STK24: variants seen among roughly 807,000 people sequenced by gnomAD.
STK24 encodes the protein serine/threonine kinase 24, also known as serine/threonine-protein kinase 24.
A neutral mutation model predicts 55.6 loss-of-function variants in STK24; 21 were observed. The observed-to-expected ratio is 0.38, with a 90% confidence interval of 0.27 to 0.54. The LOEUF (loss-of-function observed/expected upper bound fraction) is 0.54, where lower values mean the gene tolerates loss of function less well. STK24 is among the 20% of genes least tolerant of loss of function. The probability of loss-of-function intolerance (pLI) is 0.79; values close to 1 mark genes in which losing one functional copy is unlikely to be tolerated. For missense variants in STK24, 383 were observed against 538.4 expected (o/e 0.71, Z 2.86); for synonymous variants, 200 against 215.2 (o/e 0.93, Z 0.62).
At chr13:98,478,443 C>T (rs1007905847) in intron 3 of STK24, among the ~76,000 whole-genome samples, 10 of 152,216 alleles carry the variant, frequency 6.6e-5, no homozygotes, top group Admixed American at 2.0e-4. Context: ...CATGCCCCTG[C>T]TTGGTCTTGG....
intron 2 of STK24, among the ~76,000 whole-genome samples, chr13:98,495,339 G>A (rs1895210059): frequency 6.6e-6 from 1 of 152,012 alleles, no homozygotes; most frequent in Non-Finnish European, 1.5e-5. Context: ...AATTTACTCA[G>A]GAATATAGAA....
chr13:98,511,433 C>G (rs1329221578), intron 2 of STK24, among the ~76,000 whole-genome samples: 1 of 152,172 alleles, frequency 6.6e-6, no homozygotes, highest in Non-Finnish European at 1.5e-5. Context: ...AAATTAAATA[C>G]CTATCCTACT....
At chr13:98,559,908 C>T (rs562477694) in intron 1 of STK24, among the ~76,000 whole-genome samples, 1 of 151,396 alleles carries the variant, frequency 6.6e-6, no homozygotes, top group East Asian at 1.9e-4. Context: ...TGCAGCCACT[C>T]GAGGCTGAGG....
intron 1 of STK24, among the ~76,000 whole-genome samples, chr13:98,552,978 T>G (rs960109723): frequency 9.9e-5 from 15 of 151,716 alleles, no homozygotes; most frequent in African/African-American, 3.6e-4. Context: ...GATGACAACA[T>G]GTCAACGCAG....
chr13:98,499,210 C>T (rs1895354823), intron 2 of STK24, among the ~76,000 whole-genome samples: 1 of 151,766 alleles, frequency 6.6e-6, no homozygotes, highest in Admixed American at 6.6e-5. Context: ...TGCACTCCAA[C>T]CTGGGCAACA....
chr13:98,461,688 G>A lies in STK24; in HGVS notation c.1053+86C>T, dbSNP rs186045863. ...ACAGCTGCCACAAAGGACCCCAGCC[G>A]CACCCACAGCAAGCTTCACACACAA... On this transcript the variant is annotated intron_variant, in intron 8 of 10. Coordinates refer to ENST00000539966, the MANE Select transcript of STK24 (RefSeq NM_001032296.4). 1.6e-4 allele frequency: 257 copies of A among 1,564,236 alleles called. 2 individuals carry two copies. In the East Asian group the frequency reaches 4.6e-3, roughly 28 times the overall value.
chr13:98,467,198 C>T (rs146248187), intron 5 of STK24, among the ~76,000 whole-genome samples: 22 of 152,314 alleles, frequency 1.4e-4, no homozygotes, highest in Admixed American at 7.8e-4. Context: ...AATGCATCCT[C>T]ATCTACCTAT....
In STK24 at chr13:98,460,389, A is replaced by T; in HGVS notation, c.1105T>A (p.Ser369Thr). 1 of 1,613,360 alleles carries T rather than the reference A, an allele frequency of 6.2e-7. No individual in the cohort carries two copies. Among genetic ancestry groups the T allele is most frequent in the Non-Finnish European group, 8.5e-7 (1 of 1,179,550 alleles). ...PFSQCLSTIISPLFAELKEKS... is the reference protein window; with the variant it reads ...PFSQCLSTIITPLFAELKEKS... The stretch of plus-strand genomic sequence containing the variant: ...GTACCTACCTCTGCAAACAGAGGAG[A>T]AATAATTGTAGATAAACACTGAGAG... Residue 369 changes from serine to threonine, a missense_variant, in exon 9 of 11, where the codon TCT becomes ACT. Physicochemically the swap from Ser to Thr is moderately conservative, Grantham distance 58 (BLOSUM62 1). Coordinates refer to ENST00000539966, the MANE Select transcript of STK24 (RefSeq NM_001032296.4).
At chr13:98,571,908 G>A (rs948377951) in intron 1 of STK24, among the ~76,000 whole-genome samples, 4 of 152,138 alleles carry the variant, frequency 2.6e-5, no homozygotes, top group African/African-American at 9.7e-5. Context: ...TTCTAAAGGG[G>A]CACCCAGCAC....
At chr13:98,541,484 G>A (rs1896888760) in intron 1 of STK24, among the ~76,000 whole-genome samples, 1 of 152,246 alleles carries the variant, frequency 6.6e-6, no homozygotes, top group Non-Finnish European at 1.5e-5. Flanking sequence ...TTGAGGTTGT[G>A]AGCAAAGAGA....
rs761919985 is a variant in STK24, at chr13:98,519,267, G to C, written c.249C>G (p.Thr83=). 13 of 1,613,684 alleles carry C rather than the reference G, an allele frequency of 8.1e-6. No homozygotes were observed. Among genetic ancestry groups the C allele is most frequent in the Middle Eastern group, 3.3e-4 (2 of 6,058 alleles). ...CCTTCAGATAGGATCCATAATATTT[G>C]GTTACATATGGACTGTCACACTGAC... ...VLSQCDSPYV[T]KYYGSYLKDT... The change falls in exon 2 of 11, where the codon ACC becomes ACG. Residue 83 remains threonine (T), a synonymous_variant. Coordinates refer to ENST00000539966, the MANE Select transcript of STK24 (RefSeq NM_001032296.4).
chr13:98,494,582 G>A lies in STK24; in HGVS notation c.274-12261C>T, dbSNP rs570597328. On this transcript the variant is annotated intron_variant, in intron 2 of 10. Transcript: ENST00000539966. ...CCAAGCTAAACAGCTTCCAAAGGAA[G>A]GGACTGTTCACTGTGGTTGTCTGTT... Among the ~76,000 whole-genome samples the A allele has an allele frequency of 3.5e-4, 53 of 152,246 alleles. No homozygotes were observed. In the South Asian group the frequency reaches 8.3e-3, roughly 24 times the overall value.
chr13:98,540,274 A>G (rs1326573699), intron 1 of STK24, among the ~76,000 whole-genome samples: 1 of 152,238 alleles, frequency 6.6e-6, no homozygotes, highest in Non-Finnish European at 1.5e-5. Flanking sequence ...TTCTGCTCTG[A>G]TTGATGCTAG....
intron 5 of STK24, 84 bp downstream of exon 5, chr13:98,474,737 T>A: frequency 1.3e-6 from 2 of 1,503,904 alleles, no homozygotes; most frequent in Non-Finnish European, 1.8e-6. Flanking sequence ...CGTTCCAACT[T>A]AGAAAAGCTA....
intron 2 of STK24, among the ~76,000 whole-genome samples, chr13:98,517,900 A>G (rs1896123278): frequency 6.6e-6 from 1 of 152,250 alleles, no homozygotes; most frequent in Non-Finnish European, 1.5e-5. Flanking sequence ...AAGGAAGGAA[A>G]ATACGCATTA....
In STK24 at chr13:98,556,916, T is replaced by C. The variant is rs546745063; in HGVS notation, c.42+19829A>G. Among the ~76,000 whole-genome samples the C allele has an allele frequency of 1.3e-3, 196 of 152,260 alleles. 3 individuals carry two copies. In the South Asian group the frequency reaches 0.016, roughly 12 times the overall value. ...CACATGATTTGTCTAATAAATTTGT[T>C]AAAAGGAACTCCTGTCGTCTAAGAA... On this transcript the variant is annotated intron_variant, in intron 1 of 10. Transcript: ENST00000539966.
At chr13:98,467,233 T>C (rs930336482) in intron 5 of STK24, among the ~76,000 whole-genome samples, 1 of 152,234 alleles carries the variant, frequency 6.6e-6, no homozygotes, top group Non-Finnish European at 1.5e-5. Context: ...AATTAACATT[T>C]TGCCATACGA....
intron 9 of STK24, among the ~76,000 whole-genome samples, 161 bp from the exon 10 acceptor site, chr13:98,457,465 C>CTTTTTT (rs11351684): frequency 2.7e-5 from 3 of 110,812 alleles, no homozygotes; most frequent in South Asian, 2.9e-4. Flanking sequence ...CTTCAAATTG[C>CTTTTTT]TTTTTTTTTT....
intron 3 of STK24, among the ~76,000 whole-genome samples, chr13:98,479,041 G>T (rs1000698567): frequency 6.6e-6 from 1 of 152,176 alleles, no homozygotes; most frequent in South Asian, 2.1e-4. Flanking sequence ...CCCCTGACAC[G>T]CGGGAGGCAC....
Sources: gnomAD v4.1 joint callset for allele counts (sites outside exome capture counted in the v4.1 genomes callset) on GRCh38, gnomAD v4.1.1 for gene constraint, MANE v1.5 for transcripts, NCBI Gene and HGNC (gene_info 2026-07-23, HGNC 2026-07-21) for gene names.